GREM1: variants seen among roughly 807,000 people sequenced by gnomAD.
GREM1 encodes the protein gremlin-1.
Under a neutral mutation model 13.1 loss-of-function variants are expected in GREM1, and 6 were observed. The ratio of observed to expected loss-of-function variants is 0.46; its 90% CI spans 0.25 to 0.91. The LOEUF is 0.91. Ranked by LOEUF, GREM1 falls within the 40% of genes least tolerant of loss-of-function variation. The pLI, the probability that GREM1 is intolerant of heterozygous loss-of-function variation, is 0.18. For synonymous variants in GREM1, 98 were observed against 93.7 expected, an observed-to-expected ratio of 1.05 and a Z score of -0.27; for missense variants, 185 against 233.9, an observed-to-expected ratio of 0.79 and a Z score of 1.36.
At chr15:32,730,324 T>A (rs1221352580) in intron 1 of GREM1, among the ~76,000 whole-genome samples, 1 of 152,238 alleles carries the variant, frequency 6.6e-6, no homozygotes, top group Non-Finnish European at 1.5e-5. Flanking sequence ...TTAATTCATC[T>A]TGCTGTAAAA....
chr15:32,724,449 G>A (rs552933668), intron 1 of GREM1, among the ~76,000 whole-genome samples: 2 of 152,200 alleles, frequency 1.3e-5, no homozygotes, highest in Non-Finnish European at 2.9e-5. Context: ...GGGAGCAACT[G>A]AATTGTGTTT....
chr15:32,729,816 CTATTTAAAAGGT>C (rs2055582645), intron 1 of GREM1, among the ~76,000 whole-genome samples: 1 of 151,104 alleles, frequency 6.6e-6, no homozygotes, highest in South Asian at 2.1e-4. Flanking sequence ...ACATATTTCA[CTATTTAAAAGGT>C]AGAAAAATGT....
intron 1 of GREM1, among the ~76,000 whole-genome samples, chr15:32,723,590 TAATA>T (rs748802560): frequency 9.4e-5 from 14 of 149,256 alleles, no homozygotes; most frequent in Non-Finnish European, 1.6e-4. Flanking sequence ...TTTCCATAGC[TAATA>T]AATCTTATTT....
chr15:32,721,476 C>T (rs745960046), intron 1 of GREM1, among the ~76,000 whole-genome samples: 7 of 152,084 alleles, frequency 4.6e-5, no homozygotes, highest in Admixed American at 6.5e-5. Context: ...GAATCCTGGC[C>T]GGGTGAGGTG....
At chr15:32,719,351 G>A (rs901864533) in intron 1 of GREM1, among the ~76,000 whole-genome samples, 1 of 152,358 alleles carries the variant, frequency 6.6e-6, no homozygotes, top group Admixed American at 6.5e-5. Flanking sequence ...TCTGGCGACG[G>A]TCACCGGGCC....
At position 32,734,499 on chromosome 15, in the gene GREM1, CTA is replaced by C. The variant is rs1292817931; in HGVS notation, c.*3256_*3257del. On this transcript the variant is annotated 3_prime_UTR_variant, in exon 2 of 2. Transcript: ENST00000651154. Reference sequence around the variant, plus strand: ...TAAAAACGGCAAAGAATTATATAGACTATGAGGTACCTTGCTGTGTAGGAGGA... The same window carrying C: ...TAAAAACGGCAAAGAATTATATAGACTGAGGTACCTTGCTGTGTAGGAGGA... The C allele has an allele frequency of 4.1e-6, 1 of 246,812 alleles. No homozygotes were observed. Among genetic ancestry groups the C allele is most frequent in the East Asian group, 6.1e-5 (1 of 16,348 alleles). The allele number at this position is 246,812 out of a possible 1,614,324, so 15.3% of individuals were successfully genotyped here. A position where few individuals can be genotyped will look rare whatever the true frequency, so the allele number is the denominator to read the frequency against.
At chr15:32,720,868 C>T (rs758238595) in intron 1 of GREM1, among the ~76,000 whole-genome samples, 1 of 152,146 alleles carries the variant, frequency 6.6e-6, no homozygotes, top group African/African-American at 2.4e-5. Context: ...GTTTAAACTG[C>T]TGGCTGGGCT....
Position 32,732,624 on chromosome 15 carries a change from G to A in GREM1, c.*1379G>A, listed in dbSNP as rs2055640916. ...CTCACTGAGGATCTGAGGGGACCCT[G>A]TTAGGAGAGCATAGCATCATGATGT... On this transcript the variant is annotated 3_prime_UTR_variant, in exon 2 of 2. Coordinates refer to ENST00000651154, the MANE Select transcript of GREM1 (RefSeq NM_013372.7). 2 of 244,676 alleles carry A rather than the reference G, an allele frequency of 8.2e-6. No homozygotes were observed. Among genetic ancestry groups the A allele is most frequent in the Non-Finnish European group, 8.6e-6 (1 of 115,966 alleles). The allele number at this position is 244,676 out of a possible 1,614,324, so 15.2% of individuals were successfully genotyped here. A position where few individuals can be genotyped will look rare whatever the true frequency, so the allele number is the denominator to read the frequency against.
intron 1 of GREM1, among the ~76,000 whole-genome samples, chr15:32,726,503 G>C (rs1185323643): frequency 1.3e-5 from 2 of 152,198 alleles, no homozygotes; most frequent in Admixed American, 6.5e-5. Flanking sequence ...GCAGTGTTTA[G>C]AGGGAAATTG....
chr15:32,734,128 G>A lies in GREM1; in HGVS notation c.*2883G>A. 4.1e-6 allele frequency: 1 copy of A among 242,388 alleles called. No homozygotes were observed. The highest frequency in any genetic ancestry group is 1.4e-3 in the Middle Eastern group (1 of 734). The allele number at this position is 242,388 out of a possible 1,614,324, so 15.0% of individuals were successfully genotyped here. On this transcript the variant is annotated 3_prime_UTR_variant, in exon 2 of 2. Transcript: ENST00000651154. The stretch of plus-strand genomic sequence containing the variant: ...TTGTTAGAGTCTTTTATCTGGTCAG[G>A]GGAAACAAAATCTTGACCCAGCTGA...
chr15:32,742,298 G>A lies in GREM1; in HGVS notation c.*11053G>A, dbSNP rs1050717508. The stretch of plus-strand genomic sequence containing the variant: ...GTTGAATTCACTAGTGAAATTATTT[G>A]GTCCTGGGATTTTCTTTACTGGGAG... On this transcript the variant is annotated 3_prime_UTR_variant, in exon 2 of 2. Transcript: ENST00000651154. 2 of 152,026 alleles carry A rather than the reference G, an allele frequency of 1.3e-5. No individual in the cohort carries two copies. Among genetic ancestry groups the A allele is most frequent in the African/African-American group, 2.4e-5 (1 of 41,422 alleles). The allele number at this position is 152,026 out of a possible 1,614,324, so 9.4% of individuals were successfully genotyped here.
chr15:32,733,947 C>G lies in GREM1; in HGVS notation c.*2702C>G, dbSNP rs1490024454. The G allele has an allele frequency of 4.2e-6, 1 of 240,728 alleles. No homozygotes were observed. The highest frequency in any genetic ancestry group is 8.8e-6 in the Non-Finnish European group (1 of 113,652). The allele number at this position is 240,728 out of a possible 1,614,324, so 14.9% of individuals were successfully genotyped here. Reference sequence around the variant, plus strand: ...AATCTGGAGGAGAGGATAATTTCCACTGTGTGGAATGTGAATAGTTAAATG... The same window carrying G: ...AATCTGGAGGAGAGGATAATTTCCAGTGTGTGGAATGTGAATAGTTAAATG... On this transcript the variant is annotated 3_prime_UTR_variant, in exon 2 of 2. Coordinates refer to ENST00000651154, the MANE Select transcript of GREM1 (RefSeq NM_013372.7).
chr15:32,731,136 T>C lies in GREM1; in HGVS notation c.446T>C (p.Phe149Ser). The C allele has an allele frequency of 6.2e-7, 1 of 1,614,040 alleles. No homozygotes were observed. ...QSCSFCKPKKFTTMMVTLNCP... is the reference protein window; with the variant it reads ...QSCSFCKPKKSTTMMVTLNCP... ...TGCTCCTTCTGCAAGCCCAAGAAAT[T>C]CACTACCATGATGGTCACACTCAAC... is the stretch of plus-strand genomic sequence containing the variant. Residue 149 changes from phenylalanine to serine, a missense_variant, in exon 2 of 2, where the codon TTC (phenylalanine) becomes TCC (serine). By Grantham distance (155) the Phe-to-Ser change is radical (BLOSUM62 -2). Transcript: ENST00000651154.
chr15:32,728,169 G>A (rs946460095), intron 1 of GREM1, among the ~76,000 whole-genome samples: 5 of 152,176 alleles, frequency 3.3e-5, no homozygotes, highest in East Asian at 1.9e-4. Flanking sequence ...AAAAAGAGCC[G>A]GTATAGCCAA....
rs1372708022 is a variant in GREM1 at position 32,731,422 on chromosome 15, G to A, written c.*177G>A. 1 of 616,342 alleles carries A rather than the reference G, an allele frequency of 1.6e-6. No homozygotes were observed. The highest frequency in any genetic ancestry group is 2.8e-5 in the East Asian group (1 of 36,310). The allele number at this position is 616,342 out of a possible 1,614,324, so 38.2% of individuals were successfully genotyped here. ...GCATGAGTGTGGATGGGTGCCTGTGGGTGTTTTTAGACACCAGAGAAAACA... is the reference window on the plus strand; with the variant it reads ...GCATGAGTGTGGATGGGTGCCTGTGAGTGTTTTTAGACACCAGAGAAAACA... On this transcript the variant is annotated 3_prime_UTR_variant, in exon 2 of 2. Coordinates refer to ENST00000651154, the MANE Select transcript of GREM1 (RefSeq NM_013372.7).
chr15:32,724,438 G>A (rs2055462225), intron 1 of GREM1, among the ~76,000 whole-genome samples: 1 of 152,204 alleles, frequency 6.6e-6, no homozygotes, highest in Non-Finnish European at 1.5e-5. Context: ...CCTCTGAAAT[G>A]GGGAGCAACT....
chr15:32,718,820 C>T, intron 1 of GREM1: 1 of 306,060 alleles, frequency 3.3e-6, no homozygotes, highest in Non-Finnish European at 6.5e-6. Context: ...GTCCAGCGAA[C>T]CCGCAGTGCT....
chr15:32,726,164 A>G (rs1160781268), intron 1 of GREM1, among the ~76,000 whole-genome samples: 1 of 152,184 alleles, frequency 6.6e-6, no homozygotes, highest in Non-Finnish European at 1.5e-5. Flanking sequence ...ATAGACATCT[A>G]TAGAACTCTC....
At chr15:32,721,821 G>A (rs962011868) in intron 1 of GREM1, among the ~76,000 whole-genome samples, 20 of 152,256 alleles carry the variant, frequency 1.3e-4, no homozygotes, top group African/African-American at 3.6e-4. Context: ...TAACTTGGCC[G>A]TCTCTCAGCA....
Sources: gnomAD v4.1 joint callset for allele counts (sites outside exome capture counted in the v4.1 genomes callset) on GRCh38, gnomAD v4.1.1 for gene constraint, MANE v1.5 for transcripts, NCBI Gene and HGNC (gene_info 2026-07-23, HGNC 2026-07-21) for gene names.